HMGN3: variants seen among roughly 807,000 people sequenced by gnomAD.
HMGN3 encodes the protein high mobility group nucleosome-binding domain-containing protein 3.
Under a neutral mutation model 18.8 loss-of-function variants are expected in HMGN3, and 6 were observed. That is an observed-to-expected ratio of 0.32 (90% CI 0.18 to 0.63). HMGN3 has a LOEUF of 0.63. HMGN3 is among the 30% of genes least tolerant of loss of function. HMGN3 has a pLI of 0.79. For missense variants in HMGN3, 107 were observed against 114.2 expected, an observed-to-expected ratio of 0.94 and a Z score of 0.29; for synonymous variants, 40 against 36.5, an observed-to-expected ratio of 1.10 and a Z score of -0.35.
At chr6:79,219,467 T>C (rs1462627482) in intron 1 of HMGN3, among the ~76,000 whole-genome samples, 3 of 151,910 alleles carry the variant, frequency 2.0e-5, no homozygotes, top group Non-Finnish European at 4.4e-5. Context: ...AATTTAGTAA[T>C]AAGAAAAACA....
intron 2 of HMGN3, among the ~76,000 whole-genome samples, chr6:79,213,717 T>C (rs1776813938): frequency 6.6e-6 from 1 of 152,356 alleles, no homozygotes; most frequent in African/African-American, 2.4e-5. Flanking sequence ...TATTTCTTTA[T>C]AGGTTCTGTT....
At chr6:79,222,987 G>C (rs953286031) in intron 1 of HMGN3, among the ~76,000 whole-genome samples, 1 of 152,166 alleles carries the variant, frequency 6.6e-6, no homozygotes, top group African/African-American at 2.4e-5. Context: ...AGATATAAAA[G>C]ATAACTAAAA....
chr6:79,229,600 G>A (rs1777735780), intron 1 of HMGN3, among the ~76,000 whole-genome samples: 3 of 152,178 alleles, frequency 2.0e-5, no homozygotes, highest in South Asian at 2.1e-4. Context: ...ATAGACGGCC[G>A]GGCGCCGTGG....
At chr6:79,213,492 AT>A (rs34934799) in intron 2 of HMGN3, among the ~76,000 whole-genome samples, 142,349 of 152,212 alleles carry the variant, frequency 0.94, 66,742 homozygotes, top group East Asian at 1. Context: ...TCTTAAAAAC[AT>A]TTAAGGTTAG....
intron 1 of HMGN3, among the ~76,000 whole-genome samples, chr6:79,218,682 A>C (rs1372935819): frequency 6.6e-6 from 1 of 152,184 alleles, no homozygotes. Flanking sequence ...AAGGGAGGGT[A>C]ATTTGACTGG....
At chr6:79,221,036 C>A (rs1237457189) in intron 1 of HMGN3, among the ~76,000 whole-genome samples, 3 of 151,962 alleles carry the variant, frequency 2.0e-5, no homozygotes, top group African/African-American at 7.3e-5. Flanking sequence ...TCCTGGATTT[C>A]TCTGTATTTA....
intron 1 of HMGN3, among the ~76,000 whole-genome samples, chr6:79,225,984 C>T (rs935552507): frequency 2.6e-5 from 4 of 152,272 alleles, no homozygotes; most frequent in East Asian, 1.9e-4. Context: ...CTCATGTTTA[C>T]GTAACTCTTG....
At chr6:79,214,992 A>C in exon 2 of HMGN3, 1 of 1,525,698 alleles carries the variant, frequency 6.6e-7, no homozygotes, top group Non-Finnish European at 9.0e-7. Context: ...GTTACTTTGG[A>C]TCCATCTTTG....
intron 1 of HMGN3, among the ~76,000 whole-genome samples, chr6:79,233,496 A>G (rs1289963836): frequency 6.6e-6 from 1 of 152,120 alleles, no homozygotes; most frequent in Non-Finnish European, 1.5e-5. Flanking sequence ...CAAATTTAAT[A>G]CCCACACTCG....
Position 79,208,579 on chromosome 6 carries a change from ACAAAGGGAATGGG to A in HMGN3, c.67-16_67-4del. 6.2e-7 allele frequency: 1 copy of A among 1,609,300 alleles called. No individual in the cohort carries two copies. Among genetic ancestry groups the A allele is most frequent in the Non-Finnish European group, 8.5e-7 (1 of 1,175,532 alleles). Reference sequence around the variant, plus strand: ...AATCTGGCAGACCGTCTTGTGGGCTACAAAGGGAATGGGAAAATATACATATTTTTTGGTGATT... The same window carrying A: ...AATCTGGCAGACCGTCTTGTGGGCTAAAAATATACATATTTTTTGGTGATT... On this transcript the variant is annotated splice_polypyrimidine_tract_variant and splice_region_variant and intron_variant, in intron 2 of 5. Coordinates refer to ENST00000344726, the Ensembl canonical transcript of HMGN3.
At chr6:79,219,632 A>G (rs1777169952) in intron 1 of HMGN3, among the ~76,000 whole-genome samples, 1 of 152,174 alleles carries the variant, frequency 6.6e-6, no homozygotes, top group Non-Finnish European at 1.5e-5. Flanking sequence ...ACAACATATA[A>G]TTTTAGATTT....
At chr6:79,232,414 A>G (rs1269618735) in intron 1 of HMGN3, among the ~76,000 whole-genome samples, 1 of 152,148 alleles carries the variant, frequency 6.6e-6, no homozygotes, top group Non-Finnish European at 1.5e-5. Context: ...GTATAAATGG[A>G]AAGCCTTCCT....
chr6:79,203,465 G>T, intron 4 of HMGN3, 115 bp downstream of exon 4: 1 of 903,272 alleles, frequency 1.1e-6, no homozygotes, highest in Non-Finnish European at 1.8e-6. Flanking sequence ...CGTAACAGTG[G>T]TAATGGTTTC....
chr6:79,213,735 T>A (rs1776814660), intron 2 of HMGN3, among the ~76,000 whole-genome samples: 1 of 152,210 alleles, frequency 6.6e-6, no homozygotes, highest in Non-Finnish European at 1.5e-5. Context: ...GTTTAAGATT[T>A]TCCACTTGGC....
intron 2 of HMGN3, among the ~76,000 whole-genome samples, chr6:79,213,737 C>T (rs557912633): frequency 1.3e-5 from 2 of 152,284 alleles, no homozygotes; most frequent in South Asian, 4.1e-4. Flanking sequence ...TTAAGATTTT[C>T]CACTTGGCAG....
exon 5 of HMGN3, chr6:79,202,283 G>A: frequency 6.2e-7 from 1 of 1,614,044 alleles, no homozygotes; most frequent in Non-Finnish European, 8.5e-7. Flanking sequence ...TACCTCTTCA[G>A]CTTTAGTTTC....
At position 79,234,652 on chromosome 6, in the gene HMGN3, C is replaced by T. The variant is rs1338515259; in HGVS notation, c.-92G>A. 12 of 1,301,750 alleles carry T rather than the reference C, an allele frequency of 9.2e-6. No homozygotes were observed. The highest frequency in any genetic ancestry group is 1.2e-5 in the Non-Finnish European group (11 of 903,504). The allele number at this position is 1,301,750 out of a possible 1,614,324, so 80.6% of individuals were successfully genotyped here. On this transcript the variant is annotated 5_prime_UTR_variant, in exon 1 of 6. The change creates a new upstream start codon in the 5' untranslated region. Transcript: ENST00000344726. ...CTGCCTCTGCCTCTGCAGCTGCTCA[C>T]GCGCAGGGCACGACGTAGCCCGGCC...
exon 6 of HMGN3, chr6:79,201,317 T>C (rs1776120202): frequency 5.3e-6 from 1 of 187,966 alleles, no homozygotes; most frequent in South Asian, 1.7e-4. Context: ...CCATGTTTCA[T>C]TAAAATCACA....
At chr6:79,206,507 G>A (rs1448234072) in intron 3 of HMGN3, among the ~76,000 whole-genome samples, 1 of 152,220 alleles carries the variant, frequency 6.6e-6, no homozygotes, top group African/African-American at 2.4e-5. Context: ...CTGCGAGTGT[G>A]CAGAAGTGAA....
Sources: allele counts gnomAD v4.1 joint callset (sites outside exome capture counted in the v4.1 genomes callset), GRCh38; gene constraint gnomAD v4.1.1; transcripts MANE v1.5; gene names NCBI Gene and HGNC (gene_info 2026-07-23, HGNC 2026-07-21).